The following KCNAB1 variants were observed in gnomAD, a reference collection of about 807,000 sequenced individuals.
KCNAB1 encodes the protein voltage-gated potassium channel subunit beta-1.
In KCNAB1, 35 loss-of-function variants were observed where a neutral mutation model predicts 64.6. That is an observed-to-expected ratio of 0.54 (90% confidence interval 0.41 to 0.72). KCNAB1 has a LOEUF of 0.72. Among genes scored for constraint, KCNAB1 ranks in the 30% least tolerant of loss-of-function variants. The probability of loss-of-function intolerance (pLI) is 0.00; values close to 1 mark genes in which losing one functional copy is unlikely to be tolerated. For synonymous variants in KCNAB1, 177 were observed against 183.8 expected (o/e 0.96, Z 0.30); for missense variants, 401 against 512.9 (o/e 0.78, Z 2.11).
intron 8 of KCNAB1, among the ~76,000 whole-genome samples, chr3:156,504,831 A>G (rs1716724710): frequency 6.6e-6 from 1 of 150,870 alleles, no homozygotes; most frequent in Admixed American, 6.6e-5. Flanking sequence ...AATAATTCAC[A>G]AATATTTTCT....
At position 156,536,740 on chromosome 3, in the gene KCNAB1, G is replaced by A; in HGVS notation, c.1253G>A (p.Arg418Lys). 2 of 1,604,746 alleles carry A rather than the reference G, an allele frequency of 1.2e-6. No individual in the cohort carries two copies. The highest frequency in any genetic ancestry group is 1.7e-6 in the Non-Finnish European group (2 of 1,171,500). The change falls in exon 14 of 14, where the codon AGA becomes AAA. Residue 418 changes from arginine (R) to lysine (K), a missense_variant. Physicochemically the swap from Arg to Lys is conservative, Grantham distance 26 (BLOSUM62 2). Transcript: ENST00000490337. ...RNKPYSKKDY[R>K]S ...AAGCCCTACAGCAAGAAGGACTATAGATCATAAGGCAATGCATGAACCACA... is the reference window on the plus strand; with the variant it reads ...AAGCCCTACAGCAAGAAGGACTATAAATCATAAGGCAATGCATGAACCACA...
At chr3:156,479,668 A>T (rs904228510) in intron 8 of KCNAB1, among the ~76,000 whole-genome samples, 1 of 152,306 alleles carries the variant, frequency 6.6e-6, no homozygotes, top group East Asian at 1.9e-4. Context: ...CTTGGATTTG[A>T]GTCCTTACTT....
intron 3 of KCNAB1, among the ~76,000 whole-genome samples, chr3:156,454,638 G>A (rs1712254878): frequency 6.6e-6 from 1 of 152,126 alleles, no homozygotes; most frequent in Non-Finnish European, 1.5e-5. Context: ...GAGGCACAAA[G>A]GGAAAGCCAC....
chr3:156,318,049 A>G (rs918440653), intron 1 of KCNAB1, among the ~76,000 whole-genome samples: 2 of 152,204 alleles, frequency 1.3e-5, no homozygotes, highest in Non-Finnish European at 2.9e-5. Flanking sequence ...ATAAAAAGCC[A>G]AGCCTGCTTT....
chr3:156,159,078 C>A (rs546622403), intron 1 of KCNAB1, among the ~76,000 whole-genome samples: 5 of 151,556 alleles, frequency 3.3e-5, no homozygotes, highest in Admixed American at 2.6e-4. Context: ...TCCGCCCCCC[C>A]CTGTAATAAT....
At chr3:156,173,693 G>A (rs976653187) in intron 1 of KCNAB1, among the ~76,000 whole-genome samples, 1 of 152,126 alleles carries the variant, frequency 6.6e-6, no homozygotes, top group Non-Finnish European at 1.5e-5. Context: ...TGTATGCGAT[G>A]GTTAATTTTA....
At chr3:156,350,268 G>A (rs1724771211) in intron 1 of KCNAB1, among the ~76,000 whole-genome samples, 1 of 152,150 alleles carries the variant, frequency 6.6e-6, no homozygotes, top group Non-Finnish European at 1.5e-5. Context: ...TAAGAGAAAA[G>A]GCCAGGCACA....
chr3:156,218,670 C>T (rs1715475667), intron 1 of KCNAB1, among the ~76,000 whole-genome samples: 1 of 151,786 alleles, frequency 6.6e-6, no homozygotes, highest in South Asian at 2.1e-4. Context: ...GAAGCAGGTG[C>T]TGGTATCCAT....
At position 156,538,498 on chromosome 3, in the gene KCNAB1, A is replaced by C. The variant is rs1373750918; in HGVS notation, c.*1751A>C. ...CAGTTGTTCATTGTGTATTCAATCC[A>C]GCGAACTGCTGTATGTATAGAGGAG... On this transcript the variant is annotated 3_prime_UTR_variant, in exon 14 of 14. Coordinates refer to ENST00000490337, the MANE Select transcript of KCNAB1 (RefSeq NM_172160.3). The C allele has an allele frequency of 6.6e-6, 1 of 152,254 alleles. No homozygotes were observed. 9.4% of individuals were successfully genotyped at this position (152,254 alleles called of 1,614,324 possible). A position where few individuals can be genotyped will look rare whatever the true frequency, so the allele number is the denominator to read the frequency against.
In KCNAB1 at chr3:156,452,756, G is replaced by A. The variant is rs965824543; in HGVS notation, c.320-143G>A. 8.6e-5 allele frequency: 52 copies of A among 603,564 alleles called. No individual in the cohort carries two copies. The highest frequency in any genetic ancestry group is 1.4e-4 in the Non-Finnish European group (48 of 335,248). 37.4% of individuals were successfully genotyped at this position (603,564 alleles called of 1,614,324 possible). A position where few individuals can be genotyped will look rare whatever the true frequency, so the allele number is the denominator to read the frequency against. On this transcript the variant is annotated intron_variant, in intron 2 of 13. Transcript: ENST00000490337. This position sits in a 1 kb window ranked among gnomAD's most constrained non-coding sequence, Gnocchi z 4.6. The stretch of plus-strand genomic sequence containing the variant: ...GACAGACTAGACCAACTAGACCACA[G>A]CCCACATGTGCCCCTCATCCAGGTA...
intron 1 of KCNAB1, among the ~76,000 whole-genome samples, chr3:156,157,927 G>C (rs1018316936): frequency 7.2e-5 from 11 of 151,952 alleles, no homozygotes; most frequent in Admixed American, 1.3e-4. Context: ...ACTTTGGGAG[G>C]CCGAGGCAGG....
At chr3:156,462,414 G>A (rs1444902928) in intron 5 of KCNAB1, among the ~76,000 whole-genome samples, 1 of 152,170 alleles carries the variant, frequency 6.6e-6, no homozygotes, top group African/African-American at 2.4e-5. Context: ...AAGGAGACCG[G>A]GCTCCCCTGT....
intron 1 of KCNAB1, among the ~76,000 whole-genome samples, chr3:156,204,814 A>G (rs1714553961): frequency 6.6e-6 from 1 of 152,186 alleles, no homozygotes; most frequent in Non-Finnish European, 1.5e-5. Flanking sequence ...TCTGGGCGAC[A>G]GAGTGAGACT....
At chr3:156,432,392 G>T (rs1270266456) in intron 2 of KCNAB1, among the ~76,000 whole-genome samples, 1 of 152,106 alleles carries the variant, frequency 6.6e-6, no homozygotes, top group East Asian at 1.9e-4. Context: ...GAGACCTAAG[G>T]CTCATTTACA....
intron 1 of KCNAB1, among the ~76,000 whole-genome samples, chr3:156,271,137 G>A (rs1719014620): frequency 6.6e-6 from 1 of 152,128 alleles, no homozygotes. Flanking sequence ...ACCTTTAGGA[G>A]TTTGATTATT....
At chr3:156,205,455 A>G (rs576512938) in intron 1 of KCNAB1, among the ~76,000 whole-genome samples, 2 of 152,322 alleles carry the variant, frequency 1.3e-5, no homozygotes, top group African/African-American at 4.8e-5. Context: ...GCGTTAATAA[A>G]TATAAAAGTG....
At chr3:156,275,112 C>G (rs1332213419) in intron 1 of KCNAB1, among the ~76,000 whole-genome samples, 6 of 152,170 alleles carry the variant, frequency 3.9e-5, no homozygotes. Flanking sequence ...TGAGATCAGA[C>G]AGTACAGGTA....
intron 1 of KCNAB1, among the ~76,000 whole-genome samples, chr3:156,214,891 C>T (rs893874070): frequency 3.9e-5 from 6 of 152,104 alleles, no homozygotes; most frequent in East Asian, 3.9e-4. Flanking sequence ...GGCTGTCGCC[C>T]GCCACAAGCA....
At chr3:156,288,438 C>A (rs1720213903) in intron 1 of KCNAB1, among the ~76,000 whole-genome samples, 1 of 152,200 alleles carries the variant, frequency 6.6e-6, no homozygotes, top group South Asian at 2.1e-4. Flanking sequence ...GAAGACTCTT[C>A]CCAATCTTAT....
Sources: gnomAD v4.1 joint callset for allele counts (sites outside exome capture counted in the v4.1 genomes callset) on GRCh38, gnomAD v4.1.1 for gene constraint, Gnocchi (gnomAD v3.1) non-coding constraint, MANE v1.5 for transcripts, NCBI Gene and HGNC (gene_info 2026-07-23, HGNC 2026-07-21) for gene names.